Variants in CAMTA1 observed in about 807,000 individuals in gnomAD.
CAMTA1 encodes calmodulin-binding transcription activator 1.
A neutral mutation model predicts 170.9 loss-of-function variants in CAMTA1; 27 were observed. The observed-to-expected ratio is 0.16, with a 90% CI of 0.12 to 0.22. The LOEUF (loss-of-function observed/expected upper bound fraction) is 0.22. Ranked by LOEUF, CAMTA1 falls within the 10% of genes least tolerant of loss-of-function variation. The pLI is 1.00. For synonymous variants in CAMTA1, 833 were observed against 891.5 expected, an observed-to-expected ratio of 0.93 and a Z score of 1.17; for missense variants, 1,619 against 2,217.2, an observed-to-expected ratio of 0.73 and a Z score of 5.42.
At chr1:6,895,560 T>C (rs1675454003) in intron 3 of CAMTA1, among the ~76,000 whole-genome samples, 1 of 152,268 alleles carries the variant, frequency 6.6e-6, no homozygotes, top group Non-Finnish European at 1.5e-5. Context: ...TCTATCCATT[T>C]GGAGTCCGGT....
At chr1:7,527,692 C>T (rs1412478568) in intron 6 of CAMTA1, among the ~76,000 whole-genome samples, 2 of 152,210 alleles carry the variant, frequency 1.3e-5, no homozygotes, top group East Asian at 3.9e-4. Flanking sequence ...TCTTGGAAGT[C>T]ACTAGAAGCT....
At chr1:7,476,200 C>T (rs1312982086) in intron 6 of CAMTA1, among the ~76,000 whole-genome samples, 3 of 152,214 alleles carry the variant, frequency 2.0e-5, no homozygotes, top group South Asian at 4.1e-4. Context: ...GCCCGCTGTA[C>T]TCCAAGGGGT....
chr1:7,525,430 A>G (rs567397463), intron 6 of CAMTA1, among the ~76,000 whole-genome samples: 145 of 151,960 alleles, frequency 9.5e-4, no homozygotes, highest in African/African-American at 3.4e-3. Flanking sequence ...ATGGTACGCT[A>G]TTGATGTTCT....
At chr1:7,454,384 C>T (rs1304276017) in intron 5 of CAMTA1, among the ~76,000 whole-genome samples, 1 of 152,236 alleles carries the variant, frequency 6.6e-6, no homozygotes, top group Admixed American at 6.5e-5. Context: ...CTTTTATGTG[C>T]CAGTCACTGC....
chr1:7,576,216 G>T (rs964213209), intron 6 of CAMTA1, among the ~76,000 whole-genome samples: 3 of 152,040 alleles, frequency 2.0e-5, no homozygotes, highest in African/African-American at 7.2e-5. Flanking sequence ...CTCCATGTTG[G>T]CCAGGCTGGT....
At chr1:7,457,689 C>T (rs141981580) in intron 5 of CAMTA1, among the ~76,000 whole-genome samples, 1 of 152,204 alleles carries the variant, frequency 6.6e-6, no homozygotes, top group Non-Finnish European at 1.5e-5. Flanking sequence ...GCTGGGGGAG[C>T]CTCCAGCTTG....
intron 5 of CAMTA1, among the ~76,000 whole-genome samples, chr1:7,361,786 C>G (rs2085560189): frequency 6.6e-6 from 1 of 152,202 alleles, no homozygotes; most frequent in Non-Finnish European, 1.5e-5. Context: ...CCCGACTCAT[C>G]TGTTTAGCAA....
chr1:7,062,843 G>A (rs1376484594), intron 3 of CAMTA1, among the ~76,000 whole-genome samples: 2 of 152,196 alleles, frequency 1.3e-5, no homozygotes, highest in Non-Finnish European at 2.9e-5. Context: ...ACTGCCTGCA[G>A]CTGCTTCACT....
chr1:7,632,087 C>T (rs1221176156), intron 6 of CAMTA1, among the ~76,000 whole-genome samples: 1 of 152,246 alleles, frequency 6.6e-6, no homozygotes. Flanking sequence ...CCCTCCCAGC[C>T]TTGCACACCC....
chr1:7,241,461 T>G (rs1382332536), intron 4 of CAMTA1, among the ~76,000 whole-genome samples: 1 of 152,144 alleles, frequency 6.6e-6, no homozygotes, highest in Non-Finnish European at 1.5e-5. Flanking sequence ...CTAAAATATA[T>G]ATGGAAATAC....
At position 7,313,884 on chromosome 1, in the gene CAMTA1, G is replaced by A. The variant is rs573996561; in HGVS notation, c.438+64258G>A. ...TGCAGCCATCGGTCATCCTTGGAAG[G>A]CAGCGAGAAAGCAGTGCGGAGAGGG... On this transcript the variant is annotated intron_variant, in intron 5 of 22. Coordinates refer to ENST00000303635, the MANE Select transcript of CAMTA1 (RefSeq NM_015215.4). Among the ~76,000 whole-genome samples the A allele has an allele frequency of 2.6e-5, 4 of 152,284 alleles. No individual in the cohort carries two copies. The East Asian group carries it at 7.7e-4, about 29-fold the overall frequency.
intron 6 of CAMTA1, among the ~76,000 whole-genome samples, chr1:7,542,565 AGCTGGGATTACAGGTGTGTGCCTCCTGAG>A (rs2094626356): frequency 1.4e-5 from 2 of 143,090 alleles, no homozygotes; most frequent in African/African-American, 5.5e-5. Flanking sequence ...CCTCCTGAGT[AGCTGGGATTACAGGTGTGTGCCTCCTGAG>A]TAGCTGGGAT....
At chr1:7,127,676 G>C (rs1360714592) in intron 4 of CAMTA1, among the ~76,000 whole-genome samples, 1 of 152,194 alleles carries the variant, frequency 6.6e-6, no homozygotes, top group African/African-American at 2.4e-5. Context: ...TTAGAATGTA[G>C]AAGGGGACAG....
chr1:7,666,359 G>T (rs1230168147), intron 9 of CAMTA1, among the ~76,000 whole-genome samples: 2 of 152,066 alleles, frequency 1.3e-5, no homozygotes. Flanking sequence ...TTCCACACAG[G>T]TCATAGGACG....
chr1:7,675,069 C>G (rs2096101984), intron 10 of CAMTA1, among the ~76,000 whole-genome samples: 3 of 152,292 alleles, frequency 2.0e-5, no homozygotes, highest in African/African-American at 7.2e-5. Flanking sequence ...GAGGTTCCTT[C>G]TGGAACATGG....
At chr1:6,879,269 G>T (rs1177022537) in intron 3 of CAMTA1, among the ~76,000 whole-genome samples, 1 of 152,184 alleles carries the variant, frequency 6.6e-6, no homozygotes, top group Admixed American at 6.5e-5. Context: ...AAACCCACAA[G>T]ACCCTGTGAT....
At position 7,685,184 on chromosome 1, in the gene CAMTA1, A is replaced by G. The variant is rs763141033; in HGVS notation, c.2914+7451A>G. On this transcript the variant is annotated intron_variant, in intron 11 of 22. Coordinates refer to ENST00000303635, the MANE Select transcript of CAMTA1 (RefSeq NM_015215.4). The surrounding 1 kb of genome is among the most constrained non-coding windows in gnomAD (Gnocchi z 5.7). ...CCTGAGGTCACAGGTGGTGTGTTTTAAGGAGCATCACAGGAAGTACAGTTC... is the reference window on the plus strand; with the variant it reads ...CCTGAGGTCACAGGTGGTGTGTTTTGAGGAGCATCACAGGAAGTACAGTTC... 6.6e-6 allele frequency among the ~76,000 whole-genome samples: 1 copy of G among 152,124 alleles called. No individual in the cohort carries two copies. The highest frequency in any genetic ancestry group is 1.5e-5 in the Non-Finnish European group (1 of 68,006).
At chr1:7,133,282 GCTAT>G (rs1216052442) in intron 4 of CAMTA1, among the ~76,000 whole-genome samples, 2 of 152,028 alleles carry the variant, frequency 1.3e-5, no homozygotes, top group Admixed American at 6.6e-5. Context: ...GTCTATTTAG[GCTAT>G]CTAAGTCTTT....
chr1:7,013,197 T>G (rs935352499), intron 3 of CAMTA1, among the ~76,000 whole-genome samples: 1 of 145,542 alleles, frequency 6.9e-6, no homozygotes, highest in Non-Finnish European at 1.5e-5. Flanking sequence ...AGGCCCTGCC[T>G]TTGCCCTTCT....
Sources: allele counts gnomAD v4.1 joint callset (sites outside exome capture counted in the v4.1 genomes callset), GRCh38; gene constraint gnomAD v4.1.1; non-coding constraint Gnocchi (gnomAD v3.1); transcripts MANE v1.5; gene names NCBI Gene and HGNC (gene_info 2026-07-23, HGNC 2026-07-21).